STK33: variants seen among roughly 807,000 people sequenced by gnomAD.
STK33 encodes serine/threonine kinase 33, also known as serine/threonine-protein kinase 33.
A neutral mutation model predicts 58.0 loss-of-function variants in STK33; 52 were observed. The ratio of observed to expected loss-of-function variants is 0.90; its 90% confidence interval spans 0.72 to 1.13. STK33 has a LOEUF of 1.13. Ranked by LOEUF, STK33 falls within the 50% of genes most tolerant of loss-of-function variation. The probability of loss-of-function intolerance (pLI) is 0.00; values close to 1 mark genes in which losing one functional copy is unlikely to be tolerated. For synonymous variants in STK33, 215 were observed against 200.1 expected (o/e 1.07, Z -0.63); for missense variants, 630 against 604.2 (o/e 1.04, Z -0.45).
chr11:8,380,231 T>C, the STK33 span, among the ~76,000 whole-genome samples: 1 of 152,180 alleles, frequency 6.6e-6, no homozygotes, highest in Admixed American at 6.5e-5. Context: ...GTTGAACTAA[T>C]GTATACTCCC....
chr11:8,408,321 A>T (rs2135508612), intron 15 of STK33, among the ~76,000 whole-genome samples: 1 of 152,364 alleles, frequency 6.6e-6, no homozygotes, highest in Admixed American at 6.5e-5. Context: ...AGACAGCTAT[A>T]GGCCCTAAGG....
rs568166338 is a variant in STK33 at position 8,456,439 on chromosome 11, C to T, written c.697+902G>A. 1.1e-3 allele frequency among the ~76,000 whole-genome samples: 172 copies of T among 152,334 alleles called. 1 individual carries two copies. The highest frequency in any genetic ancestry group is 2.0e-3 in the Non-Finnish European group (138 of 68,040). ...AATCAATCTCCCACCAGCCCAAGTT[C>T]CTTGGAGAGCAGGGGCCTTGTCTTT... On this transcript the variant is annotated intron_variant, in intron 9 of 15. Coordinates refer to ENST00000687296, the MANE Select transcript of STK33 (RefSeq NM_001352389.2).
chr11:8,423,121 C>T (rs1044737532), intron 14 of STK33, among the ~76,000 whole-genome samples: 5 of 151,672 alleles, frequency 3.3e-5, no homozygotes, highest in African/African-American at 1.2e-4. Context: ...GGATTATAGC[C>T]ATGAGCCACC....
At chr11:8,565,207 T>C (rs1957366902) in intron 1 of STK33, among the ~76,000 whole-genome samples, 1 of 152,138 alleles carries the variant, frequency 6.6e-6, no homozygotes, top group African/African-American at 2.4e-5. Context: ...TTCGCCACCA[T>C]CTAATCAGCG....
chr11:8,493,941 T>C lies in STK33; in HGVS notation c.-465-13327A>G, dbSNP rs186895533. ...CTCAAAAAACTACGCACTGATGGAA[T>C]GTATCTCAAAATAATAAGAGCTATT... On this transcript the variant is annotated intron_variant, in intron 1 of 15. Coordinates refer to ENST00000687296, the MANE Select transcript of STK33 (RefSeq NM_001352389.2). Among the ~76,000 whole-genome samples the C allele has an allele frequency of 2.0e-5, 3 of 152,280 alleles. No individual in the cohort carries two copies. In the East Asian group the frequency reaches 5.8e-4, roughly 29 times the overall value.
At chr11:8,468,485 T>G (rs1374696268) in intron 6 of STK33, among the ~76,000 whole-genome samples, 1 of 152,224 alleles carries the variant, frequency 6.6e-6, no homozygotes, top group African/African-American at 2.4e-5. Flanking sequence ...ACCTCCTTCA[T>G]GAAGGGCTTC....
intron 6 of STK33, chr11:8,466,418 T>C (rs1323735424): frequency 6.6e-6 from 1 of 152,198 alleles, no homozygotes; most frequent in Non-Finnish European, 1.5e-5. Flanking sequence ...ACAGGCCCAA[T>C]GCAAGTCCAA....
At chr11:8,490,056 T>C (rs187121818) in intron 1 of STK33, among the ~76,000 whole-genome samples, 21 of 152,184 alleles carry the variant, frequency 1.4e-4, no homozygotes, top group South Asian at 4.2e-4. Context: ...GTTCATCTCA[T>C]TGGGATGGGT....
chr11:8,349,946 T>A, the STK33 span, among the ~76,000 whole-genome samples: 1 of 152,234 alleles, frequency 6.6e-6, no homozygotes, highest in Non-Finnish European at 1.5e-5. Context: ...GGCTCTGCCC[T>A]GAGACAACCA....
intron 10 of STK33, 118 bp downstream of exon 10, chr11:8,454,626 G>T (rs1342627316): frequency 1.0e-5 from 13 of 1,240,604 alleles, no homozygotes; most frequent in Non-Finnish European, 1.3e-5. Context: ...TTTAGCACAA[G>T]CCACTTATTT....
the STK33 span, among the ~76,000 whole-genome samples, chr11:8,370,815 C>A: frequency 1.3e-5 from 2 of 152,252 alleles, no homozygotes; most frequent in South Asian, 4.2e-4. Context: ...GCGCCCAGCA[C>A]GAGAAGTGGC....
At chr11:8,407,100 G>A (rs1249105053) in intron 15 of STK33, among the ~76,000 whole-genome samples, 1 of 151,838 alleles carries the variant, frequency 6.6e-6, no homozygotes, top group African/African-American at 2.4e-5. Context: ...AAATCATTGA[G>A]ATAATTATAT....
the STK33 span, among the ~76,000 whole-genome samples, chr11:8,338,423 A>T: frequency 6.6e-6 from 1 of 152,128 alleles, no homozygotes; most frequent in Admixed American, 6.5e-5. Context: ...GATGTCTCTG[A>T]TCCTATCAGT....
intron 1 of STK33, among the ~76,000 whole-genome samples, chr11:8,526,127 G>A (rs1041807800): frequency 1.1e-4 from 16 of 152,116 alleles, no homozygotes; most frequent in African/African-American, 3.4e-4. Flanking sequence ...GGCCAGGCAT[G>A]GTGGCTCACG....
chr11:8,363,440 T>G, the STK33 span, among the ~76,000 whole-genome samples: 53 of 152,324 alleles, frequency 3.5e-4, no homozygotes, highest in African/African-American at 1.2e-3. Context: ...GTGGACTTCC[T>G]CATGACCCAG....
At chr11:8,506,977 A>G (rs1951909991) in intron 1 of STK33, among the ~76,000 whole-genome samples, 1 of 152,146 alleles carries the variant, frequency 6.6e-6, no homozygotes, top group South Asian at 2.1e-4. Flanking sequence ...TCAGATTTCC[A>G]ATTCTGATCA....
chr11:8,531,996 T>G (rs1276703743), intron 1 of STK33, among the ~76,000 whole-genome samples: 1 of 152,190 alleles, frequency 6.6e-6, no homozygotes, highest in Non-Finnish European at 1.5e-5. Context: ...TTAAAATAAA[T>G]GCATCAGGCA....
intron 15 of STK33, among the ~76,000 whole-genome samples, chr11:8,411,074 A>C (rs759075058): frequency 1.2e-4 from 18 of 152,262 alleles, no homozygotes; most frequent in Non-Finnish European, 2.1e-4. Context: ...TGGTCTGCCA[A>C]GTGTCTCATC....
chr11:8,474,701 T>G lies in STK33; in HGVS notation c.205A>C (p.Ile69Leu). ...RKKEKNINRD[I>L]TSRKDLPSRT... ...TTTACCAAATCTTTCCTGGAGGTTA[T>G]ATCTCTGTTGATATTTTTTTCTTTT... Residue 69 changes from isoleucine to leucine, a missense_variant, in exon 5 of 16, where the codon ATA (isoleucine) becomes CTA (leucine). By Grantham distance (5) the Ile-to-Leu change is conservative. Transcript: ENST00000687296. The G allele has an allele frequency of 6.2e-7, 1 of 1,610,210 alleles. No homozygotes were observed. The highest frequency in any genetic ancestry group is 8.5e-7 in the Non-Finnish European group (1 of 1,178,786).
Sources: gnomAD v4.1 joint callset for allele counts (sites outside exome capture counted in the v4.1 genomes callset) on GRCh38, gnomAD v4.1.1 for gene constraint, MANE v1.5 for transcripts, NCBI Gene and HGNC (gene_info 2026-07-23, HGNC 2026-07-21) for gene names.